Variants in KCTD1 observed in about 807,000 individuals in gnomAD.
KCTD1 encodes potassium channel tetramerization domain containing 1, also known as BTB/POZ domain-containing protein KCTD1.
KCTD1 carries 24 observed loss-of-function variants against 66.0 expected under a neutral mutation model. The ratio of observed to expected loss-of-function variants is 0.36; its 90% CI spans 0.26 to 0.51. The LOEUF (loss-of-function observed/expected upper bound fraction) is 0.51, where lower values mean the gene tolerates loss of function less well. KCTD1 is among the 20% of genes least tolerant of loss of function. KCTD1 has a pLI of 0.95. For missense variants in KCTD1, 943 were observed against 1,205.2 expected (o/e 0.78, Z 3.22); for synonymous variants, 511 against 517.2 (o/e 0.99, Z 0.16).
chr18:26,482,897 C>A (rs562290653), intron 2 of KCTD1, among the ~76,000 whole-genome samples: 7 of 152,236 alleles, frequency 4.6e-5, no homozygotes, highest in African/African-American at 1.7e-4. Flanking sequence ...ATGAGGATGG[C>A]GAGAAAAGGG....
At position 26,476,891 on chromosome 18, in the gene KCTD1, T is replaced by A; in HGVS notation, c.1989-232A>T. On this transcript the variant is annotated intron_variant, in intron 2 of 4. Coordinates refer to ENST00000580059, the MANE Select transcript of KCTD1 (RefSeq NM_001142730.3). This position sits in a 1 kb window ranked among gnomAD's most constrained non-coding sequence, Gnocchi z 4.9. ...ATTCTTTTATTCACTGTCTTTCACC[T>A]GCAAAGAAAATGTTCCTGACATGGT... 1 of 454,780 alleles carries A rather than the reference T, an allele frequency of 2.2e-6. No individual in the cohort carries two copies. The highest frequency in any genetic ancestry group is 4.5e-5 in the Admixed American group (1 of 22,268). The allele number at this position is 454,780 out of a possible 1,614,324, so 28.2% of individuals were successfully genotyped here.
intron 1 of KCTD1, among the ~76,000 whole-genome samples, chr18:26,567,908 G>C (rs1986020557): frequency 6.6e-6 from 1 of 152,184 alleles, no homozygotes; most frequent in Admixed American, 6.6e-5. Context: ...TACTGCATCA[G>C]AAGGAGGAAA....
upstream of KCTD1, among the ~76,000 whole-genome samples, chr18:26,641,916 A>T (rs1223758696): frequency 6.6e-6 from 1 of 152,216 alleles, no homozygotes; most frequent in Non-Finnish European, 1.5e-5. Flanking sequence ...ATACATATGC[A>T]TATGTATATT....
chr18:26,558,374 A>G (rs1985759066), intron 1 of KCTD1, among the ~76,000 whole-genome samples: 1 of 152,234 alleles, frequency 6.6e-6, no homozygotes, highest in African/African-American at 2.4e-5. Flanking sequence ...AATTAGTACA[A>G]CCACTATGGA....
Position 26,468,698 on chromosome 18 carries a change from C to T in KCTD1, c.2133+7817G>A, listed in dbSNP as rs376230681. On this transcript the variant is annotated intron_variant, in intron 3 of 4. Coordinates refer to ENST00000580059, the MANE Select transcript of KCTD1 (RefSeq NM_001142730.3). The surrounding 1 kb of genome is among the most constrained non-coding windows in gnomAD (Gnocchi z 4.8). ...AATATAAAAATTAGTGTGCCTGTGG[C>T]GTGGTGGCGTGTGGTGGCGTGTGCC... Among the ~76,000 whole-genome samples the T allele has an allele frequency of 5.9e-5, 9 of 152,042 alleles. No homozygotes were observed. The highest frequency in any genetic ancestry group is 5.8e-4 in the East Asian group (3 of 5,170).
intron 1 of KCTD1, among the ~76,000 whole-genome samples, chr18:26,579,869 G>A (rs1986313608): frequency 6.6e-6 from 1 of 152,148 alleles, no homozygotes; most frequent in South Asian, 2.1e-4. Flanking sequence ...CACATTGGAA[G>A]GAGCCCCGTT....
intron 1 of KCTD1, among the ~76,000 whole-genome samples, chr18:26,591,038 G>A (rs1310553877): frequency 6.6e-6 from 1 of 152,006 alleles, no homozygotes; most frequent in African/African-American, 2.4e-5. Context: ...GAAAATCACT[G>A]AATTTTTTTT....
intron 1 of KCTD1, among the ~76,000 whole-genome samples, chr18:26,609,676 G>T (rs535028664): frequency 5.5e-4 from 84 of 152,324 alleles, no homozygotes; most frequent in African/African-American, 2.0e-3. Context: ...TGCTAAGACT[G>T]TTAACATGTC....
chr18:26,618,701 A>G (rs1335089435), intron 1 of KCTD1, among the ~76,000 whole-genome samples: 4 of 152,240 alleles, frequency 2.6e-5, no homozygotes, highest in African/African-American at 9.6e-5. Context: ...GTTATTATTT[A>G]GAATTAAAGT....
chr18:26,649,429 G>C (rs765580088), intron 1 of KCTD1, among the ~76,000 whole-genome samples: 2 of 152,126 alleles, frequency 1.3e-5, no homozygotes, highest in Non-Finnish European at 2.9e-5. Context: ...AGAAACAGAC[G>C]GCTCGGAGGT....
chr18:26,592,033 T>C (rs1395537933), intron 1 of KCTD1, among the ~76,000 whole-genome samples: 1 of 152,238 alleles, frequency 6.6e-6, no homozygotes, highest in Non-Finnish European at 1.5e-5. Flanking sequence ...TAACTACAAC[T>C]ACTAGTTACT....
At chr18:26,651,739 G>A (rs921275434) in intron 1 of KCTD1, among the ~76,000 whole-genome samples, 7 of 142,848 alleles carry the variant, frequency 4.9e-5, no homozygotes, top group African/African-American at 1.0e-4. Context: ...AGCCGAGATC[G>A]AGCCACTGTA....
At position 26,654,287 on chromosome 18, in the gene KCTD1, C is replaced by T. The variant is rs575533617; in HGVS notation, c.9+3073G>A. Among the ~76,000 whole-genome samples, 3 of 152,100 alleles carry T rather than the reference C, an allele frequency of 2.0e-5. No individual in the cohort carries two copies. In the South Asian group the frequency reaches 6.2e-4, roughly 32 times the overall value. On this transcript the variant is annotated intron_variant, in intron 1 of 4. Transcript: ENST00000580191. ...AAAAGGTCCATAATGCATTATTCAA[C>T]GCAAATCGAATAATACGCTTTCATC...
intron 1 of KCTD1, among the ~76,000 whole-genome samples, chr18:26,656,153 G>C (rs1163767472): frequency 6.6e-6 from 1 of 152,210 alleles, no homozygotes; most frequent in African/African-American, 2.4e-5. Flanking sequence ...GCGGAGGCCA[G>C]AGGCGGCCGG....
At chr18:26,631,067 C>T (rs1021799040), upstream of KCTD1, among the ~76,000 whole-genome samples, 1 of 152,184 alleles carries the variant, frequency 6.6e-6, no homozygotes, top group Non-Finnish European at 1.5e-5. Context: ...CATTTTGCCA[C>T]TGAAACTTAC....
chr18:26,603,635 C>T lies in KCTD1; in HGVS notation c.-16+25512G>A, dbSNP rs1004335798. On this transcript the variant is annotated intron_variant, in intron 1 of 4. Coordinates refer to the KCTD1 transcript ENST00000317932. ...GCATGCTCCTGTTATCCCAGCTATT[C>T]GGCAGGCTGAGGCAGGAGGATCACC... Among the ~76,000 whole-genome samples, 85 of 150,952 alleles carry T rather than the reference C, an allele frequency of 5.6e-4. 1 individual carries two copies. Among genetic ancestry groups the T allele is most frequent in the African/African-American group, 1.6e-3 (64 of 41,114 alleles).
chr18:26,548,982 G>A (rs989966998), upstream of KCTD1: 28 of 985,386 alleles, frequency 2.8e-5, no homozygotes, highest in African/African-American at 1.9e-4. Flanking sequence ...AATGCCCGAG[G>A]AGCAGTGCCC....
intron 1 of KCTD1, among the ~76,000 whole-genome samples, chr18:26,634,968 C>G (rs1987693658): frequency 6.6e-6 from 1 of 151,998 alleles, no homozygotes; most frequent in African/African-American, 2.4e-5. Flanking sequence ...ACTCAGAAAG[C>G]AAAAGAAACA....
chr18:26,484,055 TA>T (rs1259289822), intron 2 of KCTD1, among the ~76,000 whole-genome samples: 1 of 152,234 alleles, frequency 6.6e-6, no homozygotes, highest in African/African-American at 2.4e-5. Flanking sequence ...AATTATAGTG[TA>T]AAAAATATCA....
Sources: gnomAD v4.1 joint callset for allele counts (sites outside exome capture counted in the v4.1 genomes callset) on GRCh38, gnomAD v4.1.1 for gene constraint, Gnocchi (gnomAD v3.1) non-coding constraint, MANE v1.5 for transcripts, NCBI Gene and HGNC (gene_info 2026-07-23, HGNC 2026-07-21) for gene names.